The following BAZ2B variants were observed in gnomAD, a reference collection of about 807,000 sequenced individuals.
The protein encoded by BAZ2B is bromodomain adjacent to zinc finger domain protein 2B.
BAZ2B carries 91 observed loss-of-function variants against 246.0 expected under a neutral mutation model. The observed-to-expected ratio is 0.37, with a 90% confidence interval of 0.31 to 0.44. BAZ2B has a LOEUF of 0.44. BAZ2B is among the 20% of genes least tolerant of loss of function. BAZ2B has a pLI of 1.00. For synonymous variants in BAZ2B, 855 were observed against 860.0 expected (o/e 0.99, Z 0.10); for missense variants, 2,332 against 2,533.7 (o/e 0.92, Z 1.71).
intron 1 of BAZ2B, among the ~76,000 whole-genome samples, chr2:159,563,559 T>C (rs1263013329): frequency 1.3e-5 from 2 of 152,018 alleles, no homozygotes. Context: ...TTAAGTAAAA[T>C]AAGCCAGTCA....
At chr2:159,426,696 T>G (rs2150117639) in intron 13 of BAZ2B, among the ~76,000 whole-genome samples, 1 of 152,260 alleles carries the variant, frequency 6.6e-6, no homozygotes, top group African/African-American at 2.4e-5. Flanking sequence ...AGAAAATAGG[T>G]TACATGATGT....
chr2:159,657,752 T>C, the BAZ2B span, among the ~76,000 whole-genome samples: 1 of 152,216 alleles, frequency 6.6e-6, no homozygotes. Context: ...AATGTCAAAT[T>C]CAAATTGCTC....
At chr2:159,633,152 CTTT>C in the BAZ2B span, among the ~76,000 whole-genome samples, 31 of 144,888 alleles carry the variant, frequency 2.1e-4, no homozygotes, top group Admixed American at 2.1e-4. Flanking sequence ...CCCAGAAAGT[CTTT>C]TTTTTTTTTT....
At chr2:159,329,136 G>GAAAAA (rs567964390) in intron 34 of BAZ2B, among the ~76,000 whole-genome samples, 1 of 73,472 alleles carries the variant, frequency 1.4e-5, no homozygotes, top group African/African-American at 4.4e-5. Context: ...GTCTTAATAG[G>GAAAAA]AAAAAAAAAA....
At chr2:159,356,878 C>T (rs1487123965) in intron 27 of BAZ2B, among the ~76,000 whole-genome samples, 2 of 152,086 alleles carry the variant, frequency 1.3e-5, no homozygotes, top group East Asian at 3.9e-4. Context: ...AGACCTGCAG[C>T]AGAGGGGCCT....
chr2:159,593,205 A>AT (rs1325624641), intron 1 of BAZ2B, among the ~76,000 whole-genome samples: 3 of 152,242 alleles, frequency 2.0e-5, no homozygotes, highest in African/African-American at 7.2e-5. Flanking sequence ...TCCAAAATCT[A>AT]TATTTCCACC....
chr2:159,438,206 A>C (rs2072765878), intron 8 of BAZ2B, 97 bp downstream of exon 8: 2 of 1,106,750 alleles, frequency 1.8e-6, no homozygotes, highest in Non-Finnish European at 2.6e-6. Flanking sequence ...ATAAAAATGA[A>C]GGTAGAATTT....
At chr2:159,665,072 G>C in the BAZ2B span, among the ~76,000 whole-genome samples, 3 of 138,366 alleles carry the variant, frequency 2.2e-5, no homozygotes, top group Non-Finnish European at 4.7e-5. Flanking sequence ...CAAACAGAGA[G>C]CCAAATCATG....
At chr2:159,588,493 A>G (rs1688572365) in intron 1 of BAZ2B, among the ~76,000 whole-genome samples, 1 of 150,830 alleles carries the variant, frequency 6.6e-6, no homozygotes, top group Non-Finnish European at 1.5e-5. Flanking sequence ...ACTGCACTCC[A>G]GCCTAGGCAA....
At chr2:159,457,055 C>G (rs558918165) in intron 3 of BAZ2B, among the ~76,000 whole-genome samples, 3 of 152,154 alleles carry the variant, frequency 2.0e-5, no homozygotes, top group African/African-American at 7.2e-5. Context: ...TACTGTTTTT[C>G]TTCCATCTTT....
At chr2:159,636,785 C>G in the BAZ2B span, among the ~76,000 whole-genome samples, 1 of 152,160 alleles carries the variant, frequency 6.6e-6, no homozygotes, top group Non-Finnish European at 1.5e-5. Context: ...AAAGTGACCT[C>G]CCTCCTTTTG....
chr2:159,321,996 G>A (rs1469291942), intron 36 of BAZ2B: 1 of 152,104 alleles, frequency 6.6e-6, no homozygotes, highest in East Asian at 1.9e-4. Flanking sequence ...TGTATCTCAT[G>A]TAGTCCATAA....
intron 2 of BAZ2B, among the ~76,000 whole-genome samples, chr2:159,545,356 G>A (rs1049225816): frequency 9.9e-5 from 15 of 152,018 alleles, no homozygotes; most frequent in Admixed American, 2.6e-4. Context: ...ATTCTCTGTC[G>A]CCACTCTACA....
chr2:159,689,464 C>G, the BAZ2B span: 6 of 230,458 alleles, frequency 2.6e-5, no homozygotes, highest in Non-Finnish European at 2.5e-5. Flanking sequence ...CTCTGCCTCC[C>G]AGGTTCAAGT....
the BAZ2B span, among the ~76,000 whole-genome samples, chr2:159,668,189 T>C: frequency 6.6e-6 from 1 of 152,180 alleles, no homozygotes; most frequent in African/African-American, 2.4e-5. Flanking sequence ...ATTCAACTCA[T>C]TTTATATTAA....
rs138568483 is a variant in BAZ2B, at chr2:159,411,048, G to A, written c.2677+1287C>T. Among the ~76,000 whole-genome samples the A allele has an allele frequency of 6.0e-3, 907 of 152,220 alleles. 7 individuals carry two copies. Among genetic ancestry groups the A allele is most frequent in the Non-Finnish European group, 9.9e-3 (676 of 68,002 alleles). ...TTTTATTTATTTCTTTAGAGACAGG[G>A]TCTCACTCTGTCAGCCAGGCTGAAG... On this transcript the variant is annotated intron_variant, in intron 14 of 36. Coordinates refer to ENST00000392783, the MANE Select transcript of BAZ2B (RefSeq NM_013450.4).
the BAZ2B span, among the ~76,000 whole-genome samples, chr2:159,679,276 A>AG: frequency 7.1e-6 from 1 of 140,378 alleles, no homozygotes; most frequent in Non-Finnish European, 1.5e-5. Flanking sequence ...CATCTCAAAA[A>AG]AAAAAAAAAA....
chr2:159,404,995 A>C, intron 15 of BAZ2B, 27 bp downstream of exon 15: 1 of 1,613,032 alleles, frequency 6.2e-7, no homozygotes, highest in Non-Finnish European at 8.5e-7. Context: ...TGACTCTTCG[A>C]GTTTATGTTA....
At chr2:159,497,726 GAGA>G (rs1408368934) in intron 2 of BAZ2B, among the ~76,000 whole-genome samples, 11 of 152,268 alleles carry the variant, frequency 7.2e-5, no homozygotes, top group Middle Eastern at 6.8e-3. Context: ...TAAATGTACA[GAGA>G]AGTTGAGTGG....
Sources: gnomAD v4.1 joint callset for allele counts (sites outside exome capture counted in the v4.1 genomes callset) on GRCh38, gnomAD v4.1.1 for gene constraint, MANE v1.5 for transcripts, NCBI Gene and HGNC (gene_info 2026-07-23, HGNC 2026-07-21) for gene names.